ARHGEF10: variants seen among roughly 807,000 people sequenced by gnomAD.
ARHGEF10 encodes Rho guanine nucleotide exchange factor (GEF) 10.
ARHGEF10 carries 140 observed loss-of-function variants against 147.4 expected under a neutral mutation model. The observed-to-expected ratio is 0.95, with a 90% CI of 0.83 to 1.09. The LOEUF (loss-of-function observed/expected upper bound fraction) is 1.09, where lower values mean the gene tolerates loss of function less well. Among genes scored for constraint, ARHGEF10 ranks in the 50% least tolerant of loss-of-function variants. The probability of loss-of-function intolerance (pLI) is 0.00; values close to 1 mark genes in which losing one functional copy is unlikely to be tolerated. For synonymous variants in ARHGEF10, 902 were observed against 695.8 expected (o/e 1.30, Z -4.67); for missense variants, 2,222 against 1,752.7 (o/e 1.27, Z -4.78).
intron 18 of ARHGEF10, among the ~76,000 whole-genome samples, chr8:1,916,163 C>T (rs950624178): frequency 1.3e-5 from 2 of 152,190 alleles, no homozygotes; most frequent in Admixed American, 6.5e-5. Flanking sequence ...GAAAGGTGCA[C>T]ACGCAGGACG....
chr8:1,893,031 T>G (rs1809674040), intron 11 of ARHGEF10, among the ~76,000 whole-genome samples: 1 of 141,636 alleles, frequency 7.1e-6, no homozygotes, highest in South Asian at 2.2e-4. Context: ...GTGACATGAA[T>G]AATTTACTGT....
At chr8:1,929,851 G>A (rs979510179) in intron 25 of ARHGEF10, among the ~76,000 whole-genome samples, 4 of 152,108 alleles carry the variant, frequency 2.6e-5, no homozygotes, top group African/African-American at 9.7e-5. Context: ...CCGTGCCCTC[G>A]GTCCCTGCTG....
At chr8:1,917,184 C>A (rs1408065440) in intron 18 of ARHGEF10, among the ~76,000 whole-genome samples, 1 of 152,202 alleles carries the variant, frequency 6.6e-6, no homozygotes, top group African/African-American at 2.4e-5. Context: ...ACATTTGTAT[C>A]CTCTTTTAGA....
rs140093592 is a variant in ARHGEF10 at position 1,947,478 on chromosome 8, A to G, written c.3397+1823A>G. Among the ~76,000 whole-genome samples, 1,241 of 152,306 alleles carry G rather than the reference A, an allele frequency of 8.1e-3. 21 individuals are homozygous for G. Among genetic ancestry groups the G allele is most frequent in the African/African-American group, 0.029 (1,198 of 41,550 alleles). The stretch of plus-strand genomic sequence containing the variant: ...TCAAGGGAAGGCTCTGGCAAGTGTG[A>G]GTGGAGTTTGTATTTTGAATTTGAT... On this transcript the variant is annotated intron_variant, in intron 27 of 28. Transcript: ENST00000349830.
chr8:1,920,247 A>G (rs17756915), intron 18 of ARHGEF10, among the ~76,000 whole-genome samples: 65,693 of 152,066 alleles, frequency 0.43, 14,807 homozygotes, highest in East Asian at 0.69. Context: ...TGATTGGATG[A>G]TAATTGTGAA....
chr8:1,926,517 G>C lies in ARHGEF10; in HGVS notation c.2697+54G>C, dbSNP rs746782087. 2.0e-6 allele frequency: 3 copies of C among 1,528,592 alleles called. No individual in the cohort carries two copies. The African/African-American group carries it at 4.1e-5, about 21-fold the overall frequency. 94.7% of individuals were successfully genotyped at this position (1,528,592 alleles called of 1,614,324 possible). ...AAGTTCACAGAGAATCAACGTTCAT[G>C]GTCGGTGTGATGAGAGACTGAGATG... is the stretch of plus-strand genomic sequence containing the variant. On this transcript the variant is annotated intron_variant, in intron 23 of 28. Coordinates refer to ENST00000349830, the MANE Select transcript of ARHGEF10 (RefSeq NM_014629.4).
At chr8:1,829,064 G>C (rs551694768) in intron 1 of ARHGEF10, among the ~76,000 whole-genome samples, 3 of 152,362 alleles carry the variant, frequency 2.0e-5, no homozygotes, top group African/African-American at 7.2e-5. Flanking sequence ...GGAAGCAGGC[G>C]GCAGGGCCTC....
At position 1,929,381 on chromosome 8, in the gene ARHGEF10, C is replaced by T. The variant is rs761887527; in HGVS notation, c.3017C>T (p.Thr1006Met). The part of the protein sequence containing the change: ...EKSTVMSLAC[T>M]SQSLYAGLVN... Reference sequence around the variant, plus strand: ...TCCACAGTCATGAGCCTGGCTTGCACGTCTCAGAGCCTGTACGCTGGCCTG... The same window carrying T: ...TCCACAGTCATGAGCCTGGCTTGCATGTCTCAGAGCCTGTACGCTGGCCTG... The change falls in exon 25 of 29, where the codon ACG becomes ATG. Residue 1006 changes from threonine (T) to methionine (M), a missense_variant. By Grantham distance (81) the Thr-to-Met change is moderately conservative. Coordinates refer to ENST00000349830, the MANE Select transcript of ARHGEF10 (RefSeq NM_014629.4). The T allele has an allele frequency of 1.5e-5, 24 of 1,613,512 alleles. No individual in the cohort carries two copies. The highest frequency in any genetic ancestry group is 1.8e-4 in the Middle Eastern group (1 of 5,574).
chr8:1,923,718 C>G, intron 20 of ARHGEF10, 56 bp from the exon 21 acceptor site: 2 of 1,613,208 alleles, frequency 1.2e-6, no homozygotes. Flanking sequence ...TGTAATTTAA[C>G]CTCACAGGAT....
chr8:1,893,192 A>G (rs1809693794), intron 11 of ARHGEF10, among the ~76,000 whole-genome samples: 1 of 151,756 alleles, frequency 6.6e-6, no homozygotes, highest in African/African-American at 2.4e-5. Flanking sequence ...AATAACATTC[A>G]TTGATCAAGA....
intron 26 of ARHGEF10, among the ~76,000 whole-genome samples, chr8:1,941,012 C>G (rs1024620450): frequency 1.3e-5 from 2 of 152,204 alleles, no homozygotes; most frequent in Admixed American, 1.3e-4. Flanking sequence ...TCACAGCTAA[C>G]ATCATACTTT....
chr8:1,951,965 T>TTCCCTGTAACCACCG (rs1228154115), intron 27 of ARHGEF10, among the ~76,000 whole-genome samples: 1 of 152,288 alleles, frequency 6.6e-6, no homozygotes, highest in Non-Finnish European at 1.5e-5. Context: ...AGGCGGGGTC[T>TTCCCTGTAACCACCG]TGGAATAGGC....
intron 1 of ARHGEF10, among the ~76,000 whole-genome samples, chr8:1,837,591 C>T (rs1180671829): frequency 1.3e-5 from 2 of 152,188 alleles, no homozygotes; most frequent in Non-Finnish European, 2.9e-5. Flanking sequence ...AGCCACGTGG[C>T]TGTTAGGTAG....
At position 1,957,475 on chromosome 8, in the gene ARHGEF10, C is replaced by A. The variant is rs1171687425; in HGVS notation, c.*212C>A. The stretch of plus-strand genomic sequence containing the variant: ...CAGAAGTAATTACAAGCACTTCTCA[C>A]GAAGGCAGAAGACTGATGCAATTTT... On this transcript the variant is annotated 3_prime_UTR_variant, in exon 29 of 29. Coordinates refer to ENST00000349830, the MANE Select transcript of ARHGEF10 (RefSeq NM_014629.4). The A allele has an allele frequency of 5.6e-6, 4 of 708,234 alleles. No homozygotes were observed. The highest frequency in any genetic ancestry group is 4.6e-6 in the Non-Finnish European group (2 of 436,772). The allele number at this position is 708,234 out of a possible 1,614,324, so 43.9% of individuals were successfully genotyped here. A position where few individuals can be genotyped will look rare whatever the true frequency, so the allele number is the denominator to read the frequency against.
chr8:1,912,278 C>T (rs1811417987), intron 18 of ARHGEF10, among the ~76,000 whole-genome samples: 1 of 151,832 alleles, frequency 6.6e-6, no homozygotes, highest in East Asian at 1.9e-4. Flanking sequence ...TTAGACTCAG[C>T]AGGAAGCTCG....
At chr8:1,910,618 C>T (rs1038928707) in intron 18 of ARHGEF10, among the ~76,000 whole-genome samples, 7 of 152,078 alleles carry the variant, frequency 4.6e-5, no homozygotes, top group South Asian at 4.2e-4. Context: ...AGGGAGGAGC[C>T]GAGGGAGAGG....
rs1285491453 is a variant in ARHGEF10 at position 1,859,140 on chromosome 8, C to G, written c.194-757C>G. Reference sequence around the variant, plus strand: ...GGTGTTTCTTTGTGCGCAGCACGCGCCTCTCTGCTTACACGGTGTTTCTTT... The same window carrying G: ...GGTGTTTCTTTGTGCGCAGCACGCGGCTCTCTGCTTACACGGTGTTTCTTT... On this transcript the variant is annotated intron_variant, in intron 3 of 28. Coordinates refer to ENST00000349830, the MANE Select transcript of ARHGEF10 (RefSeq NM_014629.4). Among the ~76,000 whole-genome samples the G allele has an allele frequency of 5.3e-4, 80 of 151,172 alleles. 1 individual carries two copies. The highest frequency in any genetic ancestry group is 9.0e-4 in the Non-Finnish European group (61 of 67,732).
At chr8:1,923,234 A>G in intron 19 of ARHGEF10, 155 bp downstream of exon 19, 1 of 847,422 alleles carries the variant, frequency 1.2e-6, no homozygotes, top group Non-Finnish European at 1.8e-6. Context: ...AGATAAGGTG[A>G]GACTATTTAA....
chr8:1,861,222 C>G (rs1806103415), intron 4 of ARHGEF10, among the ~76,000 whole-genome samples: 1 of 152,242 alleles, frequency 6.6e-6, no homozygotes, highest in African/African-American at 2.4e-5. Context: ...GGAGCCCGTT[C>G]TCTGCTGTCC....
Sources: allele counts gnomAD v4.1 joint callset (sites outside exome capture counted in the v4.1 genomes callset), GRCh38; gene constraint gnomAD v4.1.1; transcripts MANE v1.5; gene names NCBI Gene and HGNC (gene_info 2026-07-23, HGNC 2026-07-21).